Variants in TUSC3 observed in about 807,000 individuals in gnomAD.
The protein encoded by TUSC3 is tumor suppressor candidate 3.
Under a neutral mutation model 44.8 loss-of-function variants are expected in TUSC3, and 45 were observed. The observed-to-expected ratio is 1.00, with a 90% CI of 0.79 to 1.29. TUSC3 has a LOEUF of 1.29. Ranked by LOEUF, TUSC3 falls within the 50% of genes most tolerant of loss-of-function variation. The pLI, the probability that TUSC3 is intolerant of heterozygous loss-of-function variation, is 0.00. For synonymous variants in TUSC3, 212 were observed against 152.9 expected (o/e 1.39, Z -2.85); for missense variants, 519 against 437.9 (o/e 1.19, Z -1.65).
chr8:15,624,199 T>G (rs149716508), intron 2 of TUSC3, among the ~76,000 whole-genome samples: 1 of 152,376 alleles, frequency 6.6e-6, no homozygotes, highest in East Asian at 1.9e-4. Flanking sequence ...ATGGATGTAC[T>G]GCTGTTTATT....
intron 1 of TUSC3, among the ~76,000 whole-genome samples, chr8:15,571,173 C>T (rs935726206): frequency 7.2e-5 from 11 of 151,764 alleles, no homozygotes; most frequent in African/African-American, 2.4e-4. Context: ...AGGCTGGTCT[C>T]GAACTCCTGA....
chr8:15,761,495 T>C (rs898605074), intron 10 of TUSC3, among the ~76,000 whole-genome samples: 4 of 152,224 alleles, frequency 2.6e-5, no homozygotes, highest in African/African-American at 9.6e-5. Context: ...GATTTGCTAC[T>C]CTTGCCAATT....
chr8:15,730,338 G>A (rs973220100), intron 6 of TUSC3, among the ~76,000 whole-genome samples: 8 of 152,024 alleles, frequency 5.3e-5, no homozygotes, highest in Non-Finnish European at 1.2e-4. Context: ...TCATAAAAAT[G>A]TTTTGCTATA....
At chr8:15,845,176 G>A in the TUSC3 span, among the ~76,000 whole-genome samples, 6 of 152,158 alleles carry the variant, frequency 3.9e-5, no homozygotes, top group African/African-American at 1.2e-4. Context: ...TAAGTCCCTC[G>A]GATAAAGCGT....
At chr8:15,454,302 C>T (rs1163003619) in intron 1 of TUSC3, among the ~76,000 whole-genome samples, 1 of 152,180 alleles carries the variant, frequency 6.6e-6, no homozygotes, top group Non-Finnish European at 1.5e-5. Flanking sequence ...TAAACTTTCA[C>T]TCCTACTGTA....
chr8:15,744,937 C>G (rs184888272), intron 8 of TUSC3, among the ~76,000 whole-genome samples: 1 of 151,976 alleles, frequency 6.6e-6, no homozygotes, highest in Non-Finnish European at 1.5e-5. Context: ...ATTTTTCAAC[C>G]TACACGCTCC....
intron 2 of TUSC3, among the ~76,000 whole-genome samples, chr8:15,519,391 A>G (rs940599164): frequency 6.6e-6 from 1 of 152,116 alleles, no homozygotes; most frequent in Admixed American, 6.5e-5. Flanking sequence ...CTTATTACTC[A>G]TAAATTACAG....
the TUSC3 span, among the ~76,000 whole-genome samples, chr8:15,796,093 G>A: frequency 0.26 from 39,634 of 152,068 alleles, 6,421 homozygotes; most frequent in Non-Finnish European, 0.35. Flanking sequence ...TCCCAGGTCT[G>A]GCTTGCATGG....
chr8:15,492,189 AGAG>A (rs1212435024), intron 2 of TUSC3, among the ~76,000 whole-genome samples: 1 of 152,182 alleles, frequency 6.6e-6, no homozygotes, highest in Non-Finnish European at 1.5e-5. Flanking sequence ...TGTGGAGCAC[AGAG>A]GAGAAGAATC....
At chr8:15,480,526 C>G (rs1158265367) in intron 1 of TUSC3, among the ~76,000 whole-genome samples, 1 of 152,170 alleles carries the variant, frequency 6.6e-6, no homozygotes, top group Non-Finnish European at 1.5e-5. Context: ...AGCAGGAACT[C>G]TTGCCTCATG....
At chr8:15,521,269 G>A (rs575315106) in intron 2 of TUSC3, among the ~76,000 whole-genome samples, 3 of 152,248 alleles carry the variant, frequency 2.0e-5, no homozygotes, top group East Asian at 1.9e-4. Flanking sequence ...ATCCTCGGCT[G>A]GGTAGCATGG....
At chr8:15,514,841 GATTTCAACT>G in intron 2 of TUSC3, among the ~76,000 whole-genome samples, 1 of 152,258 alleles carries the variant, frequency 6.6e-6, no homozygotes, top group East Asian at 1.9e-4. Flanking sequence ...TAGGCTGATT[GATTTCAACT>G]CTCTCAGCCT....
At chr8:15,660,759 A>G (rs1807386025) in intron 4 of TUSC3, among the ~76,000 whole-genome samples, 1 of 151,826 alleles carries the variant, frequency 6.6e-6, no homozygotes, top group African/African-American at 2.4e-5. Context: ...TTGTTATGCA[A>G]TGTATCATTT....
rs910396211 is a variant in TUSC3, at chr8:15,695,303, A to G, written c.798+21467A>G. ...ATCATGCTTATTCTCATGATAGTGAATAAGTCTTATGAGATCTGATGGTTT... is the reference window on the plus strand; with the variant it reads ...ATCATGCTTATTCTCATGATAGTGAGTAAGTCTTATGAGATCTGATGGTTT... On this transcript the variant is annotated intron_variant, in intron 6 of 10. Transcript: ENST00000503731. Among the ~76,000 whole-genome samples the G allele has an allele frequency of 4.4e-4, 67 of 152,188 alleles. 2 individuals carry two copies. Among genetic ancestry groups the G allele is most frequent in the Admixed American group, 4.1e-3 (62 of 15,272 alleles).
intron 2 of TUSC3, among the ~76,000 whole-genome samples, chr8:15,498,633 T>C (rs185980852): frequency 6.6e-6 from 1 of 152,302 alleles, no homozygotes; most frequent in Admixed American, 6.5e-5. Flanking sequence ...TAACCTATGT[T>C]TTAGATTTTC....
Position 15,540,301 on chromosome 8 carries a change from C to T in TUSC3, c.-130C>T, listed in dbSNP as rs886062770. 2 of 1,299,336 alleles carry T rather than the reference C, an allele frequency of 1.5e-6. No individual in the cohort carries two copies. Among genetic ancestry groups the T allele is most frequent in the Non-Finnish European group, 9.9e-7 (1 of 1,008,728 alleles). The allele number at this position is 1,299,336 out of a possible 1,614,324, so 80.5% of individuals were successfully genotyped here. On this transcript the variant is annotated 5_prime_UTR_variant, in exon 1 of 11. Coordinates refer to ENST00000503731, the MANE Select transcript of TUSC3 (RefSeq NM_006765.4). ...GCGTCCTCGGCCGCGGCCCGGGTCC[C>T]TCGCAAAGCCGCTGCCATCCCGGAG...
At chr8:15,485,783 G>A (rs1025312523) in intron 2 of TUSC3, among the ~76,000 whole-genome samples, 2 of 147,496 alleles carry the variant, frequency 1.4e-5, no homozygotes, top group Non-Finnish European at 3.0e-5. Flanking sequence ...ATGAGTTTGA[G>A]TTTTTTGTTT....
chr8:15,757,304 T>C (rs1456590711), intron 9 of TUSC3, among the ~76,000 whole-genome samples: 6 of 152,088 alleles, frequency 3.9e-5, no homozygotes, highest in Non-Finnish European at 7.3e-5. Flanking sequence ...TACCTTGAGA[T>C]GAAAATGGAA....
intron 1 of TUSC3, among the ~76,000 whole-genome samples, chr8:15,467,086 G>T (rs1027273114): frequency 2.3e-4 from 35 of 151,948 alleles, no homozygotes; most frequent in African/African-American, 8.5e-4. Context: ...CAGTTTAAGA[G>T]CTTGGCCTAT....
Sources: allele counts gnomAD v4.1 joint callset (sites outside exome capture counted in the v4.1 genomes callset), GRCh38; gene constraint gnomAD v4.1.1; transcripts MANE v1.5; gene names NCBI Gene and HGNC (gene_info 2026-07-23, HGNC 2026-07-21).